The following URI1 variants were observed in gnomAD, a reference collection of about 807,000 sequenced individuals.
URI1 encodes unconventional prefoldin RPB5 interactor 1.
Under a neutral mutation model 60.2 loss-of-function variants are expected in URI1, and 39 were observed. The ratio of observed to expected loss-of-function variants is 0.65; its 90% confidence interval spans 0.50 to 0.85. The LOEUF (loss-of-function observed/expected upper bound fraction) is 0.85, where lower values mean the gene tolerates loss of function less well. Ranked by LOEUF, URI1 falls within the 40% of genes least tolerant of loss-of-function variation. The pLI, the probability that URI1 is intolerant of heterozygous loss-of-function variation, is 0.00. For missense variants in URI1, 691 were observed against 665.9 expected (o/e 1.04, Z -0.42); for synonymous variants, 251 against 236.8 (o/e 1.06, Z -0.55).
intron 1 of URI1, among the ~76,000 whole-genome samples, chr19:29,924,067 A>C (rs1268104617): frequency 6.6e-6 from 1 of 152,196 alleles, no homozygotes; most frequent in African/African-American, 2.4e-5. Flanking sequence ...TGGATGTCCC[A>C]GGTCCAGAAG....
intron 2 of URI1, among the ~76,000 whole-genome samples, chr19:29,979,990 T>C (rs1387194671): frequency 6.6e-6 from 1 of 152,176 alleles, no homozygotes; most frequent in Non-Finnish European, 1.5e-5. Context: ...TATAGATCCC[T>C]TTTTCAAGAA....
intron 9 of URI1, among the ~76,000 whole-genome samples, chr19:30,011,923 A>G (rs2056025964): frequency 6.6e-6 from 1 of 151,550 alleles, no homozygotes. Flanking sequence ...GGGGAAGGAT[A>G]GCATTAGGAG....
chr19:30,014,302 T>TA (rs1365166938), intron 10 of URI1: 2 of 152,204 alleles, frequency 1.3e-5, no homozygotes, highest in African/African-American at 4.8e-5. Flanking sequence ...TTGAAACCTG[T>TA]ACTTATTCCT....
chr19:29,961,044 A>G (rs955137198), intron 1 of URI1, among the ~76,000 whole-genome samples: 3 of 151,362 alleles, frequency 2.0e-5, no homozygotes, highest in Admixed American at 6.6e-5. Context: ...TTTTTTTTGT[A>G]TAGACAGGGA....
chr19:30,013,455 A>G (rs1028032584), intron 10 of URI1, among the ~76,000 whole-genome samples: 6 of 152,286 alleles, frequency 3.9e-5, no homozygotes, highest in Admixed American at 3.3e-4. Flanking sequence ...TGACCTGGAA[A>G]GTATCTTACC....
intron 1 of URI1, among the ~76,000 whole-genome samples, chr19:29,949,084 C>T (rs1207424051): frequency 5.3e-5 from 8 of 150,898 alleles, no homozygotes; most frequent in Non-Finnish European, 1.2e-4. Flanking sequence ...GGGCTTCTGC[C>T]GGGCGGAGAC....
In URI1 at chr19:30,011,168, G is replaced by C; in HGVS notation, c.1110G>C (p.Lys370Asn). The C allele has an allele frequency of 6.2e-7, 1 of 1,612,726 alleles. No homozygotes were observed. The highest frequency in any genetic ancestry group is 8.5e-7 in the Non-Finnish European group (1 of 1,179,516). Residue 370 changes from lysine (K) to asparagine (N), a missense_variant, in exon 9 of 11, where the codon AAG becomes AAC. Lys to Asn is a moderately conservative substitution (Grantham distance 94). Transcript: ENST00000392271. ...EKKEEAKRKR[K>N]NSTGSGHSAQ... ...AAGAAGAAGCCAAACGTAAACGAAA[G>C]AACAGCACTGGCAGTGGCCACTCTG...
Position 29,924,106 on chromosome 19 carries a change from T to C in URI1, c.63+352T>C, listed in dbSNP as rs539121055. On this transcript the variant is annotated intron_variant, in intron 1 of 10. Transcript: ENST00000360605. Reference sequence around the variant, plus strand: ...GTGAATTTGCTTTTCCTCTGTCTTTTTGTTCTATTTGGGCCCTCAGTGGAT... The same window carrying C: ...GTGAATTTGCTTTTCCTCTGTCTTTCTGTTCTATTTGGGCCCTCAGTGGAT... Among the ~76,000 whole-genome samples, 4 of 152,180 alleles carry C rather than the reference T, an allele frequency of 2.6e-5. No individual in the cohort carries two copies. In the East Asian group the frequency reaches 7.7e-4, roughly 29 times the overall value.
intron 1 of URI1, among the ~76,000 whole-genome samples, chr19:29,958,583 A>G (rs1426754665): frequency 6.6e-6 from 1 of 152,196 alleles, no homozygotes; most frequent in African/African-American, 2.4e-5. Context: ...ATTAAATTTG[A>G]TAATATTTTA....
At chr19:29,938,217 A>G (rs1408597605), upstream of URI1, among the ~76,000 whole-genome samples, 1 of 152,102 alleles carries the variant, frequency 6.6e-6, no homozygotes, top group East Asian at 1.9e-4. Flanking sequence ...TGGGCCATAC[A>G]AGCATGTGGC....
chr19:29,926,316 G>T (rs2054867959), intron 1 of URI1, among the ~76,000 whole-genome samples: 1 of 145,018 alleles, frequency 6.9e-6, no homozygotes, highest in South Asian at 2.2e-4. Context: ...ATCTTATTCT[G>T]TTGCCCAGGC....
At chr19:29,951,419 T>A (rs1268932727) in intron 1 of URI1, among the ~76,000 whole-genome samples, 5 of 151,884 alleles carry the variant, frequency 3.3e-5, no homozygotes, top group African/African-American at 1.2e-4. Context: ...CACCCCCCCC[T>A]TTAGTTTCAC....
At chr19:29,985,573 G>A (rs746208486) in intron 3 of URI1, among the ~76,000 whole-genome samples, 2 of 152,040 alleles carry the variant, frequency 1.3e-5, no homozygotes, top group Non-Finnish European at 2.9e-5. Flanking sequence ...TATAAAAAAT[G>A]TAATTATGAC....
intron 8 of URI1, among the ~76,000 whole-genome samples, chr19:30,010,705 AC>A (rs1247228240): frequency 3.9e-5 from 6 of 152,148 alleles, no homozygotes; most frequent in Non-Finnish European, 7.4e-5. Flanking sequence ...TACTTTTATG[AC>A]TTAAAGGTTG....
chr19:29,981,820 TTACTG>T (rs1289323591), intron 2 of URI1, among the ~76,000 whole-genome samples: 3 of 152,202 alleles, frequency 2.0e-5, no homozygotes, highest in African/African-American at 7.2e-5. Context: ...CCATTTTTGA[TTACTG>T]TAATGACTCC....
intron 7 of URI1, among the ~76,000 whole-genome samples, chr19:30,008,561 A>G (rs957575134): frequency 6.6e-6 from 1 of 152,080 alleles, no homozygotes; most frequent in African/African-American, 2.4e-5. Context: ...ATTCGTGTGC[A>G]TATGTATAAA....
At chr19:29,953,889 A>T (rs769963905) in intron 1 of URI1, among the ~76,000 whole-genome samples, 11 of 151,902 alleles carry the variant, frequency 7.2e-5, no homozygotes, top group Non-Finnish European at 1.6e-4. Context: ...TTTTCTTTTG[A>T]TTCCTTGGAA....
At chr19:29,927,729 A>G (rs1308077440) in intron 1 of URI1, among the ~76,000 whole-genome samples, 1 of 151,672 alleles carries the variant, frequency 6.6e-6, no homozygotes, top group African/African-American at 2.4e-5. Context: ...GACGCCTGCC[A>G]TCATGCCCAG....
At chr19:29,956,334 T>C (rs2055247356) in intron 1 of URI1, 1 of 932,562 alleles carries the variant, frequency 1.1e-6, no homozygotes, top group Non-Finnish European at 1.6e-6. Flanking sequence ...AGGTCTTTTA[T>C]TGCATCATTG....
Sources: allele counts gnomAD v4.1 joint callset (sites outside exome capture counted in the v4.1 genomes callset), GRCh38; gene constraint gnomAD v4.1.1; transcripts MANE v1.5; gene names NCBI Gene and HGNC (gene_info 2026-07-23, HGNC 2026-07-21).